The following NCOA5 variants were observed in gnomAD, a reference collection of about 807,000 sequenced individuals.
NCOA5 encodes the protein nuclear receptor coactivator 5, also known as NCoA-5.
A neutral mutation model predicts 59.0 loss-of-function variants in NCOA5; 12 were observed. That is an observed-to-expected ratio of 0.20 (90% CI 0.13 to 0.33). The LOEUF is 0.33. Ranked by LOEUF, NCOA5 falls within the 10% of genes least tolerant of loss-of-function variation. The pLI is 1.00. For missense variants in NCOA5, 655 were observed against 766.6 expected (o/e 0.85, Z 1.72); for synonymous variants, 270 against 275.5 (o/e 0.98, Z 0.20).
rs112737460 is a variant in NCOA5 at position 46,081,613 on chromosome 20, G to A, written c.-29-2160C>T. Among the ~76,000 whole-genome samples, 811 of 152,076 alleles carry A rather than the reference G, an allele frequency of 5.3e-3. 8 individuals carry two copies. Among genetic ancestry groups the A allele is most frequent in the African/African-American group, 0.019 (784 of 41,482 alleles). On this transcript the variant is annotated intron_variant, in intron 1 of 7. Transcript: ENST00000290231. ...CAAAGTATTTATATTTGACAGCATG[G>A]GATGTTTCTTCTGCAAAAACAAGAA... is the stretch of plus-strand genomic sequence containing the variant.
chr20:46,062,015 G>A lies in NCOA5; in HGVS notation c.*285C>T, dbSNP rs1435316948. 3.8e-6 allele frequency: 1 copy of A among 263,474 alleles called. No homozygotes were observed. The highest frequency in any genetic ancestry group is 7.2e-6 in the Non-Finnish European group (1 of 138,068). 16.3% of individuals were successfully genotyped at this position (263,474 alleles called of 1,614,324 possible). A position where few individuals can be genotyped will look rare whatever the true frequency, so the allele number is the denominator to read the frequency against. On this transcript the variant is annotated 3_prime_UTR_variant, in exon 8 of 8. Coordinates refer to ENST00000290231, the MANE Select transcript of NCOA5 (RefSeq NM_020967.3). ...CCAAATCCAGTAGAAACAGGGACCG[G>A]AGAAACCCCATCAAATACAAGCCCA...
chr20:46,087,206 G>A (rs979567284), intron 1 of NCOA5, among the ~76,000 whole-genome samples: 2 of 152,180 alleles, frequency 1.3e-5, no homozygotes, highest in Admixed American at 6.5e-5. Context: ...AGGAATAGAC[G>A]TTTCATTCTT....
chr20:46,066,838 T>C (rs1354468414), intron 5 of NCOA5, among the ~76,000 whole-genome samples: 2 of 152,240 alleles, frequency 1.3e-5, no homozygotes, highest in Non-Finnish European at 2.9e-5. Flanking sequence ...TGGCTGTGCC[T>C]CAATTTCCCA....
chr20:46,081,264 G>T (rs766765787), intron 1 of NCOA5, among the ~76,000 whole-genome samples: 1 of 152,172 alleles, frequency 6.6e-6, no homozygotes, highest in African/African-American at 2.4e-5. Context: ...CAGGTTAAGA[G>T]TACAACACAT....
intron 6 of NCOA5, among the ~76,000 whole-genome samples, chr20:46,064,202 T>A (rs1003096320): frequency 1.3e-5 from 2 of 152,186 alleles, no homozygotes; most frequent in Non-Finnish European, 2.9e-5. Flanking sequence ...GTTTACTGGG[T>A]AGTGAGAGGA....
intron 1 of NCOA5, among the ~76,000 whole-genome samples, chr20:46,087,571 A>C (rs1364884676): frequency 6.6e-6 from 1 of 152,186 alleles, no homozygotes; most frequent in East Asian, 1.9e-4. Flanking sequence ...TAGCCTGACC[A>C]ACATGGAGAA....
chr20:46,069,146 T>C (rs1049718406), intron 3 of NCOA5, among the ~76,000 whole-genome samples: 9 of 152,146 alleles, frequency 5.9e-5, no homozygotes, highest in African/African-American at 2.2e-4. Context: ...AGTGGCATTA[T>C]ATTCACAATG....
At chr20:46,068,760 T>C (rs965949128) in intron 3 of NCOA5, 122 bp from the exon 4 acceptor site, 38 of 877,630 alleles carry the variant, frequency 4.3e-5, no homozygotes, top group Non-Finnish European at 6.2e-5. Flanking sequence ...CATTATCAGC[T>C]CTGTGGCTGT....
rs764809596 is a variant in NCOA5, at chr20:46,070,202, G to A, written c.365+8C>T. 40 of 1,594,634 alleles carry A rather than the reference G, an allele frequency of 2.5e-5. No individual in the cohort carries two copies. Among genetic ancestry groups the A allele is most frequent in the Middle Eastern group, 1.7e-4 (1 of 6,042 alleles). ...AGGAAAAAACAAGCAGAGTAACTAC[G>A]TATGTACCTGTACATAGGATCTCGG... On this transcript the variant is annotated splice_region_variant and intron_variant, in intron 3 of 7. Coordinates refer to ENST00000290231, the MANE Select transcript of NCOA5 (RefSeq NM_020967.3).
chr20:46,068,773 TAG>T, intron 3 of NCOA5, 135 bp from the exon 4 acceptor site: 1 of 779,442 alleles, frequency 1.3e-6, no homozygotes, highest in Non-Finnish European at 2.0e-6. Context: ...GTGGCTGTGA[TAG>T]AGTTAACCTG....
chr20:46,076,620 G>C (rs575815074), intron 2 of NCOA5, among the ~76,000 whole-genome samples: 7 of 151,520 alleles, frequency 4.6e-5, no homozygotes, highest in Non-Finnish European at 1.0e-4. Context: ...TTTTTAGATG[G>C]GGTTACTAAT....
intron 4 of NCOA5, 108 bp downstream of exon 4, chr20:46,068,394 G>T: frequency 8.4e-7 from 1 of 1,192,590 alleles, no homozygotes; most frequent in Non-Finnish European, 1.1e-6. Flanking sequence ...TACACTGCTT[G>T]GCCAAGGCAC....
At chr20:46,082,439 A>G (rs1156624201) in intron 1 of NCOA5, among the ~76,000 whole-genome samples, 2 of 152,178 alleles carry the variant, frequency 1.3e-5, no homozygotes, top group East Asian at 3.8e-4. Context: ...ATTAATCAAC[A>G]AGAGGGAAGT....
Position 46,062,270 on chromosome 20 carries a change from G to A in NCOA5, c.*30C>T, listed in dbSNP as rs6104448. Reference sequence around the variant, plus strand: ...TAAGTGGGAGGAGGCCAGGGGATGAGGGGACTGGGGAGAGTTGAAAGATTT... The same window carrying A: ...TAAGTGGGAGGAGGCCAGGGGATGAAGGGACTGGGGAGAGTTGAAAGATTT... On this transcript the variant is annotated 3_prime_UTR_variant, in exon 8 of 8. Transcript: ENST00000290231. The A allele has an allele frequency of 1.3e-6, 2 of 1,564,150 alleles. No individual in the cohort carries two copies. The highest frequency in any genetic ancestry group is 1.1e-5 in the South Asian group (1 of 87,964).
chr20:46,062,241 CAAGT>C lies in NCOA5; in HGVS notation c.*55_*58del. ...ATCCTCCAAACAGCTCTATTTAGAA[CAAGT>C]AAGTGGGAGGAGGCCAGGGGATGAG... On this transcript the variant is annotated 3_prime_UTR_variant, in exon 8 of 8. Transcript: ENST00000290231. 5.8e-6 allele frequency: 8 copies of C among 1,370,406 alleles called. No homozygotes were observed. The South Asian group carries it at 9.2e-5, about 16-fold the overall frequency. 84.9% of individuals were successfully genotyped at this position (1,370,406 alleles called of 1,614,324 possible).
At chr20:46,075,654 T>C (rs2084930165) in intron 2 of NCOA5, among the ~76,000 whole-genome samples, 1 of 152,228 alleles carries the variant, frequency 6.6e-6, no homozygotes, top group Non-Finnish European at 1.5e-5. Context: ...AGGCCACATC[T>C]GCATAAAGAT....
chr20:46,089,332 G>T (rs2085075509), intron 1 of NCOA5, among the ~76,000 whole-genome samples: 1 of 152,234 alleles, frequency 6.6e-6, no homozygotes, highest in Non-Finnish European at 1.5e-5. Context: ...CGGTGGCGGG[G>T]GACAGCGCTC....
intron 7 of NCOA5, 51 bp from the exon 8 acceptor site, chr20:46,062,940 G>C: frequency 6.9e-7 from 1 of 1,452,612 alleles, no homozygotes; most frequent in Non-Finnish European, 9.2e-7. Flanking sequence ...CCCAAGGGCA[G>C]GAGGCCTAGC....
rs766002115 is a variant in NCOA5, at chr20:46,070,351, C to T, written c.224G>A (p.Ser75Asn). 14 of 1,613,756 alleles carry T rather than the reference C, an allele frequency of 8.7e-6. No individual in the cohort carries two copies. Among genetic ancestry groups the T allele is most frequent in the African/African-American group, 4.0e-5 (3 of 74,796 alleles). The change falls in exon 3 of 8, where the codon AGC (serine) becomes AAC (asparagine). Residue 75 changes from serine to asparagine, a missense_variant. By Grantham distance (46) the Ser-to-Asn change is conservative (BLOSUM62 1). Transcript: ENST00000290231. ...GTCCCGAACGTCGCGCACACTCCTGCTGTCTCTGTGATCCCGCAAATCTCT... is the reference window on the plus strand; with the variant it reads ...GTCCCGAACGTCGCGCACACTCCTGTTGTCTCTGTGATCCCGCAAATCTCT... The part of the protein sequence containing the change: ...HSRDLRDHRD[S>N]RSVRDVRDVR...
Sources: allele counts gnomAD v4.1 joint callset (sites outside exome capture counted in the v4.1 genomes callset), GRCh38; gene constraint gnomAD v4.1.1; transcripts MANE v1.5; gene names NCBI Gene and HGNC (gene_info 2026-07-23, HGNC 2026-07-21).